C16orf74: variants seen among roughly 807,000 people sequenced by gnomAD.
C16orf74 encodes uncharacterized protein C16orf74.
In C16orf74, 10 loss-of-function variants were observed where a neutral mutation model predicts 6.5. The observed-to-expected ratio is 1.54, with a 90% CI of 0.95 to 2.61. C16orf74 has a LOEUF of 2.61. Among genes scored for constraint, C16orf74 ranks in the 30% most tolerant of loss-of-function variants. The probability of loss-of-function intolerance (pLI) is 0.00; values close to 1 mark genes in which losing one functional copy is unlikely to be tolerated. For synonymous variants in C16orf74, 60 were observed against 42.5 expected, an observed-to-expected ratio of 1.41 and a Z score of -1.60; for missense variants, 141 against 105.9, an observed-to-expected ratio of 1.33 and a Z score of -1.45.
chr16:85,731,192 G>C (rs1438171707), intron 2 of C16orf74, among the ~76,000 whole-genome samples: 3 of 152,226 alleles, frequency 2.0e-5, no homozygotes, highest in East Asian at 3.8e-4. Context: ...AGAGGAAGCT[G>C]AGGCCTAGAG....
intron 2 of C16orf74, among the ~76,000 whole-genome samples, chr16:85,724,898 C>T (rs1480969043): frequency 6.6e-6 from 1 of 152,202 alleles, no homozygotes; most frequent in Non-Finnish European, 1.5e-5. Context: ...AGGAGAACAT[C>T]CTTGGGAACT....
At chr16:85,717,665 G>A (rs1019017287) in intron 2 of C16orf74, among the ~76,000 whole-genome samples, 1 of 152,218 alleles carries the variant, frequency 6.6e-6, no homozygotes, top group South Asian at 2.1e-4. Flanking sequence ...TCTGGGCTGA[G>A]CCTGCCATTT....
At chr16:85,731,311 G>C (rs550176135) in intron 2 of C16orf74, among the ~76,000 whole-genome samples, 5 of 152,382 alleles carry the variant, frequency 3.3e-5, no homozygotes, top group Non-Finnish European at 7.3e-5. Flanking sequence ...GCATTAAACT[G>C]AGCATGGGGC....
At chr16:85,712,184 C>G (rs2053977147) in intron 2 of C16orf74, among the ~76,000 whole-genome samples, 1 of 152,252 alleles carries the variant, frequency 6.6e-6, no homozygotes, top group Non-Finnish European at 1.5e-5. Flanking sequence ...AGCAGTGGAG[C>G]CTCCAGCCCC....
intron 1 of C16orf74, among the ~76,000 whole-genome samples, chr16:85,746,481 G>C (rs2054374568): frequency 6.6e-6 from 1 of 152,208 alleles, no homozygotes. Flanking sequence ...ATGGGGACCT[G>C]GAGAACTAGA....
chr16:85,720,016 A>G (rs926039969), intron 2 of C16orf74, among the ~76,000 whole-genome samples: 2 of 151,822 alleles, frequency 1.3e-5, no homozygotes, highest in Non-Finnish European at 2.9e-5. Context: ...AAGCAAACTG[A>G]TAAATTCCTC....
chr16:85,734,099 C>A (rs984054687), intron 2 of C16orf74, among the ~76,000 whole-genome samples: 2 of 152,182 alleles, frequency 1.3e-5, no homozygotes, highest in African/African-American at 4.8e-5. Flanking sequence ...CAGTAAATTC[C>A]TTGTTAACCA....
intron 1 of C16orf74, among the ~76,000 whole-genome samples, chr16:85,741,992 T>A (rs1363624397): frequency 1.3e-5 from 2 of 152,178 alleles, no homozygotes; most frequent in Non-Finnish European, 2.9e-5. Flanking sequence ...CATGGGGCAA[T>A]CTCTCATGAA....
chr16:85,743,257 A>C (rs960931065), intron 1 of C16orf74: 28 of 152,318 alleles, frequency 1.8e-4, no homozygotes, highest in African/African-American at 6.7e-4. Context: ...CAGTTGTCTA[A>C]ACATAGGGAA....
At chr16:85,742,199 C>A (rs1166157605) in intron 1 of C16orf74, among the ~76,000 whole-genome samples, 1 of 152,128 alleles carries the variant, frequency 6.6e-6, no homozygotes, top group East Asian at 1.9e-4. Context: ...ATGGCAAAAC[C>A]CCGTCTCTAC....
At chr16:85,708,917 C>T (rs1373705623) in intron 3 of C16orf74, among the ~76,000 whole-genome samples, 1 of 152,272 alleles carries the variant, frequency 6.6e-6, no homozygotes, top group Non-Finnish European at 1.5e-5. Flanking sequence ...TGATGGCTGT[C>T]AGCTAACTGA....
chr16:85,731,851 C>G (rs2054191910), intron 2 of C16orf74, among the ~76,000 whole-genome samples: 2 of 152,164 alleles, frequency 1.3e-5, no homozygotes, highest in African/African-American at 4.8e-5. Context: ...CCACCATTCC[C>G]TGATAATTTT....
intron 2 of C16orf74, among the ~76,000 whole-genome samples, chr16:85,731,691 ATT>A (rs11313311): frequency 2.4e-3 from 344 of 143,912 alleles, no homozygotes; most frequent in Middle Eastern, 3.6e-3. Context: ...TTGTGATGTC[ATT>A]TTTTTTTTTT....
In C16orf74 at chr16:85,739,579, G is replaced by A. The variant is rs570815497; in HGVS notation, c.-18-4344C>T. ...AGATAGGAGAGCATGACATACTGGT[G>A]TGTTTGTTTGAAAAGTAATGACCAG... is the stretch of plus-strand genomic sequence containing the variant. On this transcript the variant is annotated intron_variant, in intron 1 of 3. Coordinates refer to ENST00000284245, the MANE Select transcript of C16orf74 (RefSeq NM_206967.3). 9.2e-5 allele frequency among the ~76,000 whole-genome samples: 14 copies of A among 152,334 alleles called. No individual in the cohort carries two copies. The South Asian group carries it at 2.9e-3, about 32-fold the overall frequency.
At chr16:85,717,754 A>C (rs2054039257) in intron 2 of C16orf74, among the ~76,000 whole-genome samples, 1 of 152,166 alleles carries the variant, frequency 6.6e-6, no homozygotes, top group Non-Finnish European at 1.5e-5. Context: ...GAGAACACTG[A>C]GCTTTGGAGA....
At chr16:85,730,322 C>G (rs1445696525) in intron 2 of C16orf74, among the ~76,000 whole-genome samples, 1 of 152,168 alleles carries the variant, frequency 6.6e-6, no homozygotes, top group Non-Finnish European at 1.5e-5. Flanking sequence ...GTTGGTGTGA[C>G]TGTAGCTGGT....
intron 1 of C16orf74, among the ~76,000 whole-genome samples, chr16:85,741,935 G>A (rs1349643551): frequency 1.3e-5 from 2 of 152,176 alleles, no homozygotes; most frequent in African/African-American, 4.8e-5. Context: ...CAAACCTCAT[G>A]TTGAAATTTG....
intron 2 of C16orf74, among the ~76,000 whole-genome samples, chr16:85,726,625 C>T (rs932142308): frequency 2.3e-4 from 35 of 152,244 alleles, no homozygotes; most frequent in African/African-American, 6.5e-4. Context: ...CCTGGTTCAG[C>T]GGGGACTGGA....
chr16:85,719,088 G>C (rs114774077), intron 2 of C16orf74, among the ~76,000 whole-genome samples: 1 of 152,206 alleles, frequency 6.6e-6, no homozygotes, highest in African/African-American at 2.4e-5. Context: ...ACTGCCTCTC[G>C]GCCTGGGCTT....
Sources: allele counts gnomAD v4.1 joint callset (sites outside exome capture counted in the v4.1 genomes callset), GRCh38; gene constraint gnomAD v4.1.1; transcripts MANE v1.5; gene names NCBI Gene and HGNC (gene_info 2026-07-23, HGNC 2026-07-21).